Variants in CACHD1 observed in about 807,000 individuals in gnomAD.
CACHD1 encodes cache domain containing 1, also known as VWFA and cache domain-containing protein 1.
Under a neutral mutation model 138.7 loss-of-function variants are expected in CACHD1, and 71 were observed. The observed-to-expected ratio is 0.51, with a 90% CI of 0.42 to 0.62. The LOEUF (loss-of-function observed/expected upper bound fraction) is 0.62, where lower values mean the gene tolerates loss of function less well. CACHD1 is among the 20% of genes least tolerant of loss of function. The probability of loss-of-function intolerance (pLI) is 0.00; values close to 1 mark genes in which losing one functional copy is unlikely to be tolerated. For missense variants in CACHD1, 1,389 were observed against 1,625.3 expected (o/e 0.85, Z 2.50); for synonymous variants, 578 against 591.5 (o/e 0.98, Z 0.33).
At chr1:64,675,873 A>G in intron 20 of CACHD1, 24 bp from the exon 21 acceptor site, 1 of 1,469,528 alleles carries the variant, frequency 6.8e-7, no homozygotes, top group Non-Finnish European at 9.2e-7. Context: ...CCTTCTGCAT[A>G]GTAACTTTCT....
intron 1 of CACHD1, among the ~76,000 whole-genome samples, chr1:64,503,621 TTTTG>T (rs1192729878): frequency 6.6e-6 from 1 of 152,234 alleles, no homozygotes; most frequent in Non-Finnish European, 1.5e-5. Flanking sequence ...GATGAAAAAG[TTTTG>T]TTTAACTCAT....
intron 9 of CACHD1, among the ~76,000 whole-genome samples, chr1:64,648,812 TACA>T (rs1264370726): frequency 6.6e-6 from 1 of 152,106 alleles, no homozygotes; most frequent in Non-Finnish European, 1.5e-5. Flanking sequence ...TAACAGAAAA[TACA>T]ACATTTTCCT....
intron 1 of CACHD1, among the ~76,000 whole-genome samples, chr1:64,475,885 GA>G (rs1254732138): frequency 6.6e-6 from 1 of 152,120 alleles, no homozygotes; most frequent in East Asian, 1.9e-4. Context: ...ACTAATGATG[GA>G]AATAGACACA....
At chr1:64,507,677 A>G (rs1476365065) in intron 1 of CACHD1, among the ~76,000 whole-genome samples, 1 of 152,194 alleles carries the variant, frequency 6.6e-6, no homozygotes, top group Non-Finnish European at 1.5e-5. Flanking sequence ...AAGAAGTAAG[A>G]ATAAGTTTTC....
intron 1 of CACHD1, among the ~76,000 whole-genome samples, chr1:64,480,359 T>C (rs1646201366): frequency 6.6e-6 from 1 of 152,186 alleles, no homozygotes; most frequent in African/African-American, 2.4e-5. Context: ...CGTGATATTA[T>C]ACTGTGGGGG....
At chr1:64,682,721 T>C (rs1045726021) in intron 26 of CACHD1, among the ~76,000 whole-genome samples, 6 of 152,078 alleles carry the variant, frequency 3.9e-5, no homozygotes, top group Admixed American at 1.3e-4. Flanking sequence ...AGGTAACTTA[T>C]GAAATCCACC....
chr1:64,652,037 C>G, intron 9 of CACHD1, 124 bp from the exon 10 acceptor site: 1 of 829,988 alleles, frequency 1.2e-6, no homozygotes, highest in Non-Finnish European at 1.8e-6. Context: ...ACATGGGAAA[C>G]TTTTCTTCCA....
chr1:64,568,305 C>G (rs774487744), intron 2 of CACHD1, among the ~76,000 whole-genome samples: 3 of 152,086 alleles, frequency 2.0e-5, no homozygotes, highest in Non-Finnish European at 4.4e-5. Flanking sequence ...TTCTGTCACA[C>G]GGGAGAAGCT....
chr1:64,635,729 C>T (rs1193856642), intron 7 of CACHD1, among the ~76,000 whole-genome samples: 2 of 151,850 alleles, frequency 1.3e-5, no homozygotes. Flanking sequence ...TAGGATGCAT[C>T]CTAAAGTAAG....
intron 18 of CACHD1, 40 bp from the exon 19 acceptor site, chr1:64,673,308 C>A: frequency 1.2e-6 from 2 of 1,611,668 alleles, no homozygotes; most frequent in Non-Finnish European, 1.7e-6. Flanking sequence ...CTGCAGCTCA[C>A]TACATGGCAT....
Position 64,675,969 on chromosome 1 carries a change from C to T in CACHD1, c.2961C>T (p.Thr987=). The T allele has an allele frequency of 7.4e-7, 1 of 1,354,272 alleles. No homozygotes were observed. 83.9% of individuals were successfully genotyped at this position (1,354,272 alleles called of 1,614,324 possible). A position where few individuals can be genotyped will look rare whatever the true frequency, so the allele number is the denominator to read the frequency against. ...TCAATGAGTGCACTGGCAACCTCAC[C>T]AATGCAGAGAACCGGTAAAATAATT... is the stretch of plus-strand genomic sequence containing the variant. ...LEVNECTGNL[T]NAENRNPSCE... is the part of the protein sequence containing the mutation. The change falls in exon 21 of 27, where the codon ACC becomes ACT. Residue 987 remains threonine (T), a synonymous_variant. Transcript: ENST00000651257.
chr1:64,519,865 A>G (rs1036580338), intron 1 of CACHD1, among the ~76,000 whole-genome samples: 12 of 152,192 alleles, frequency 7.9e-5, no homozygotes, highest in African/African-American at 2.4e-4. Flanking sequence ...TAGCTGCCAG[A>G]TTATTTGAGG....
chr1:64,660,027 G>T (rs11804129), intron 13 of CACHD1, among the ~76,000 whole-genome samples: 25 of 152,328 alleles, frequency 1.6e-4, no homozygotes, highest in African/African-American at 6.0e-4. Context: ...TAGAGCCAGT[G>T]ATGTTGATCC....
At chr1:64,578,919 G>A (rs1283549533) in intron 2 of CACHD1, among the ~76,000 whole-genome samples, 1 of 152,150 alleles carries the variant, frequency 6.6e-6, no homozygotes, top group African/African-American at 2.4e-5. Context: ...GGGACAGGGG[G>A]ACATGTAGAC....
chr1:64,619,046 A>G (rs1298702107), intron 4 of CACHD1, among the ~76,000 whole-genome samples: 2 of 152,144 alleles, frequency 1.3e-5, no homozygotes, highest in Admixed American at 1.3e-4. Context: ...TCTTTTTCCC[A>G]TAGATGAGGT....
At chr1:64,634,018 G>GTTTTTTTTTTTTTT in intron 6 of CACHD1, 26 bp from the exon 7 acceptor site, 4 of 1,204,898 alleles carry the variant, frequency 3.3e-6, no homozygotes, top group Non-Finnish European at 4.6e-6. Context: ...AAGTTTGGTG[G>GTTTTTTTTTTTTTT]TTTTTTTTTT....
At chr1:64,489,916 T>G (rs1195689580) in intron 1 of CACHD1, among the ~76,000 whole-genome samples, 1 of 152,226 alleles carries the variant, frequency 6.6e-6, no homozygotes, top group Non-Finnish European at 1.5e-5. Context: ...GAGCATTTAC[T>G]ATGCACTGCA....
rs965342665 is a variant in CACHD1, at chr1:64,562,092, C to T, written c.261+11436C>T. Among the ~76,000 whole-genome samples the T allele has an allele frequency of 7.9e-5, 12 of 151,950 alleles. No individual in the cohort carries two copies. In the South Asian group the frequency reaches 8.3e-4, roughly 11 times the overall value. Reference sequence around the variant, plus strand: ...TGCGCTCAAGATTTTTCTCTGCTTCCGTTTTCAGCAATTTGACTATGATTA... The same window carrying T: ...TGCGCTCAAGATTTTTCTCTGCTTCTGTTTTCAGCAATTTGACTATGATTA... On this transcript the variant is annotated intron_variant, in intron 2 of 26. Coordinates refer to ENST00000651257, the MANE Select transcript of CACHD1 (RefSeq NM_020925.4).
chr1:64,480,886 C>CTTTTTTTT (rs530847374), intron 1 of CACHD1, among the ~76,000 whole-genome samples: 8 of 140,584 alleles, frequency 5.7e-5, no homozygotes, highest in African/African-American at 2.1e-4. Context: ...CTCTCTCTCC[C>CTTTTTTTT]TTTTTTTTTT....
Sources: gnomAD v4.1 joint callset for allele counts (sites outside exome capture counted in the v4.1 genomes callset) on GRCh38, gnomAD v4.1.1 for gene constraint, MANE v1.5 for transcripts, NCBI Gene and HGNC (gene_info 2026-07-23, HGNC 2026-07-21) for gene names.